The following WDR25 variants were observed in gnomAD, a reference collection of about 807,000 sequenced individuals.
WDR25 encodes WD repeat-containing protein 25.
In WDR25, 35 loss-of-function variants were observed where a neutral mutation model predicts 47.7. That is an observed-to-expected ratio of 0.73 (90% CI 0.56 to 0.97). The LOEUF (loss-of-function observed/expected upper bound fraction) is 0.97. Ranked by LOEUF, WDR25 falls within the 50% of genes least tolerant of loss-of-function variation. WDR25 has a pLI of 0.00. For synonymous variants in WDR25, 248 were observed against 278.9 expected, an observed-to-expected ratio of 0.89 and a Z score of 1.10; for missense variants, 634 against 704.7, an observed-to-expected ratio of 0.90 and a Z score of 1.14.
chr14:100,406,330 T>A (rs1456642339), intron 2 of WDR25, among the ~76,000 whole-genome samples: 1 of 152,202 alleles, frequency 6.6e-6, no homozygotes, highest in African/African-American at 2.4e-5. Context: ...GAAGGGCAAG[T>A]CAGTGGCACA....
At chr14:100,414,571 C>T (rs1897814836) in intron 2 of WDR25, among the ~76,000 whole-genome samples, 1 of 151,548 alleles carries the variant, frequency 6.6e-6, no homozygotes, top group African/African-American at 2.4e-5. Context: ...CCTTGGCCTC[C>T]CAAAGTGCTG....
intron 2 of WDR25, among the ~76,000 whole-genome samples, chr14:100,438,648 G>C (rs1264431048): frequency 6.6e-6 from 1 of 152,192 alleles, no homozygotes; most frequent in African/African-American, 2.4e-5. Flanking sequence ...AAACCTGGGA[G>C]GTGGGATTTG....
chr14:100,432,118 A>G (rs1045196983), intron 2 of WDR25, among the ~76,000 whole-genome samples: 1 of 152,252 alleles, frequency 6.6e-6, no homozygotes, highest in Non-Finnish European at 1.5e-5. Flanking sequence ...TTTCAGCATC[A>G]GCAAGTTGTG....
At chr14:100,422,652 C>T (rs776430374) in intron 2 of WDR25, among the ~76,000 whole-genome samples, 2 of 152,248 alleles carry the variant, frequency 1.3e-5, no homozygotes, top group Non-Finnish European at 2.9e-5. Context: ...CCAGCTTCCC[C>T]TCCTGAGTAT....
At chr14:100,490,450 C>G (rs1336860064) in intron 4 of WDR25, among the ~76,000 whole-genome samples, 1 of 152,224 alleles carries the variant, frequency 6.6e-6, no homozygotes, top group African/African-American at 2.4e-5. Flanking sequence ...GGGCATCCTT[C>G]CTTGGATGGG....
At chr14:100,472,387 C>A (rs1251845106) in intron 3 of WDR25, among the ~76,000 whole-genome samples, 5 of 152,236 alleles carry the variant, frequency 3.3e-5, no homozygotes, top group African/African-American at 1.2e-4. Context: ...CTTCTGCCTC[C>A]CCGAACCAGG....
intron 4 of WDR25, among the ~76,000 whole-genome samples, chr14:100,507,671 C>A (rs1233211592): frequency 6.9e-6 from 1 of 144,626 alleles, no homozygotes; most frequent in Non-Finnish European, 1.5e-5. Flanking sequence ...TTTTTTATGG[C>A]TGTTGCAAAT....
At chr14:100,457,710 T>G (rs1400899963) in intron 2 of WDR25, among the ~76,000 whole-genome samples, 1 of 152,244 alleles carries the variant, frequency 6.6e-6, no homozygotes, top group Non-Finnish European at 1.5e-5. Context: ...CAATGATGAT[T>G]GACTGTTTAG....
rs1900872548 is a variant in WDR25 at position 100,500,249 on chromosome 14, T to C, written c.1101+16125T>C. Reference sequence around the variant, plus strand: ...CGAGAGTGGGGTGGCTTGCTCACTCTTACTTCTCTCCTGCTGCGGTTCTGG... The same window carrying C: ...CGAGAGTGGGGTGGCTTGCTCACTCCTACTTCTCTCCTGCTGCGGTTCTGG... On this transcript the variant is annotated intron_variant, in intron 4 of 6. Transcript: ENST00000402312. The surrounding 1 kb of genome is among the most constrained non-coding windows in gnomAD (Gnocchi z 4.7). 6.6e-6 allele frequency among the ~76,000 whole-genome samples: 1 copy of C among 152,074 alleles called. No homozygotes were observed. The highest frequency in any genetic ancestry group is 1.5e-5 in the Non-Finnish European group (1 of 67,998).
At chr14:100,480,675 G>C (rs1404613998) in intron 3 of WDR25, among the ~76,000 whole-genome samples, 6 of 152,050 alleles carry the variant, frequency 3.9e-5, no homozygotes, top group African/African-American at 9.7e-5. Context: ...CCTTAACCTG[G>C]GAACAGTGTT....
At position 100,392,891 on chromosome 14, in the gene WDR25, G is replaced by C. The variant is rs1047823329; in HGVS notation, c.822+11145G>C. On this transcript the variant is annotated intron_variant, in intron 2 of 6. Transcript: ENST00000402312. The surrounding 1 kb of genome is among the most constrained non-coding windows in gnomAD (Gnocchi z 4.2). ...CGGATTGATTCCCAGAAGTGGGACT[G>C]CTGGGTCAAAGGGTTGTACATTTTC... Among the ~76,000 whole-genome samples, 6 of 152,250 alleles carry C rather than the reference G, an allele frequency of 3.9e-5. No individual in the cohort carries two copies. Among genetic ancestry groups the C allele is most frequent in the African/African-American group, 1.4e-4 (6 of 41,470 alleles).
intron 2 of WDR25, among the ~76,000 whole-genome samples, chr14:100,395,606 G>A (rs1037324199): frequency 1.3e-5 from 2 of 152,216 alleles, no homozygotes; most frequent in Non-Finnish European, 2.9e-5. Context: ...AAGTGTAGTC[G>A]TGTAACTGTG....
chr14:100,528,923 C>T (rs1467608078), intron 5 of WDR25, 145 bp from the exon 6 acceptor site: 10 of 953,556 alleles, frequency 1.0e-5, no homozygotes, highest in Non-Finnish European at 1.4e-5. Context: ...TCTTGAGCCA[C>T]CAAGCTTGTG....
chr14:100,436,241 G>A (rs539819688), intron 2 of WDR25, among the ~76,000 whole-genome samples: 2 of 152,254 alleles, frequency 1.3e-5, no homozygotes, highest in Admixed American at 6.5e-5. Context: ...GAGAAGTGAA[G>A]CGCTTATGGA....
intron 2 of WDR25, among the ~76,000 whole-genome samples, chr14:100,436,803 G>A (rs73347401): frequency 2.6e-5 from 4 of 152,174 alleles, no homozygotes; most frequent in South Asian, 2.1e-4. Flanking sequence ...GCGTCTCTTC[G>A]CTCTCGCCCC....
At chr14:100,400,779 T>C (rs1025934645) in intron 2 of WDR25, among the ~76,000 whole-genome samples, 1 of 152,204 alleles carries the variant, frequency 6.6e-6, no homozygotes, top group Non-Finnish European at 1.5e-5. Flanking sequence ...AGTCGTGAAT[T>C]TTAAAGGGAG....
At chr14:100,421,516 CT>C (rs138458931) in intron 2 of WDR25, among the ~76,000 whole-genome samples, 2,589 of 152,220 alleles carry the variant, frequency 0.017, 35 homozygotes, top group Middle Eastern at 0.044. Context: ...GATTTGTGAC[CT>C]ATGTTAATCC....
intron 4 of WDR25, among the ~76,000 whole-genome samples, chr14:100,492,124 A>G (rs1202366913): frequency 1.3e-5 from 2 of 152,234 alleles, no homozygotes; most frequent in East Asian, 3.8e-4. Flanking sequence ...ATCCAGTTAG[A>G]TGGCGCATGC....
In WDR25 at chr14:100,381,546, C is replaced by G; in HGVS notation, c.622C>G (p.Pro208Ala). The change falls in exon 2 of 7, where the codon CCA becomes GCA. Residue 208 changes from proline to alanine, a missense_variant. Transcript: ENST00000402312. ...EPQGPPAGRA[P>A]APLYVGPGVS... ...ACAGGGGCCCCCTGCAGGGCGTGCC[C>G]CAGCCCCTCTCTACGTGGGCCCGGG... 2 of 1,613,946 alleles carry G rather than the reference C, an allele frequency of 1.2e-6. No homozygotes were observed. The highest frequency in any genetic ancestry group is 1.7e-6 in the Non-Finnish European group (2 of 1,179,894).
Sources: gnomAD v4.1 joint callset for allele counts (sites outside exome capture counted in the v4.1 genomes callset) on GRCh38, gnomAD v4.1.1 for gene constraint, Gnocchi (gnomAD v3.1) non-coding constraint, MANE v1.5 for transcripts, NCBI Gene and HGNC (gene_info 2026-07-23, HGNC 2026-07-21) for gene names.